Variants in ANK1 observed in about 807,000 individuals in gnomAD.
ANK1 encodes ankyrin 1, also known as ankyrin-1.
A neutral mutation model predicts 210.4 loss-of-function variants in ANK1; 51 were observed. That is an observed-to-expected ratio of 0.24 (90% CI 0.19 to 0.31). ANK1 has a LOEUF of 0.31. Ranked by LOEUF, ANK1 falls within the 10% of genes least tolerant of loss-of-function variation. The probability of loss-of-function intolerance (pLI) is 1.00; values close to 1 mark genes in which losing one functional copy is unlikely to be tolerated. For missense variants in ANK1, 2,051 were observed against 2,504.4 expected, an observed-to-expected ratio of 0.82 and a Z score of 3.86; for synonymous variants, 967 against 1,025.9, an observed-to-expected ratio of 0.94 and a Z score of 1.10.
rs144463795 is a variant in ANK1, at chr8:41,708,120, C to T, written c.1998+658G>A. ...TAGGCTGCTGAATTCTGTAAAAATA[C>T]TAAAAAACATTGAATTGTAGAGTTT... On this transcript the variant is annotated intron_variant, in intron 17 of 42. Transcript: ENST00000289734. Among the ~76,000 whole-genome samples the T allele has an allele frequency of 1.0e-3, 153 of 152,218 alleles. 1 individual carries two copies. The highest frequency in any genetic ancestry group is 3.5e-3 in the African/African-American group (147 of 41,524).
chr8:41,690,202 G>A lies in ANK1; in HGVS notation c.4104+25C>T, dbSNP rs756102221. 3.1e-6 allele frequency: 5 copies of A among 1,613,766 alleles called. No individual in the cohort carries two copies. In the African/African-American group the frequency reaches 5.3e-5, roughly 17 times the overall value. On this transcript the variant is annotated intron_variant, in intron 33 of 42. Coordinates refer to ENST00000289734, the MANE Select transcript of ANK1 (RefSeq NM_000037.4). Reference sequence around the variant, plus strand: ...CTACAGGGAAGCCGTCTCGGGCCAAGGCTCCTCGGCAGGTGCCAGCTCACC... The same window carrying A: ...CTACAGGGAAGCCGTCTCGGGCCAAAGCTCCTCGGCAGGTGCCAGCTCACC...
intron 1 of ANK1, among the ~76,000 whole-genome samples, chr8:41,877,122 A>G (rs1816748673): frequency 6.6e-6 from 1 of 152,234 alleles, no homozygotes; most frequent in South Asian, 2.1e-4. Flanking sequence ...AGTGAGACCC[A>G]GTCATTAGAA....
chr8:41,848,879 C>T (rs1163931761), intron 1 of ANK1, among the ~76,000 whole-genome samples: 1 of 152,188 alleles, frequency 6.6e-6, no homozygotes, highest in East Asian at 1.9e-4. Context: ...TTCCCCACTG[C>T]AGGGAACGTT....
intron 1 of ANK1, among the ~76,000 whole-genome samples, chr8:41,873,211 G>A (rs561786440): frequency 3.9e-5 from 6 of 152,298 alleles, no homozygotes; most frequent in African/African-American, 1.2e-4. Flanking sequence ...TTTTCTTCCC[G>A]ATTGCCTCGA....
chr8:41,706,160 C>T lies in ANK1; in HGVS notation c.2080G>A (p.Val694Met). ...TGCCTTACCCGGGTGGTGGCGTCCA[C>T]CATGACGCCGTGTTTGATCAGCACA... ...ADVLIKHGVM[V>M]DATTRMGYTP... Residue 694 changes from valine (V) to methionine (M), a missense_variant, in exon 18 of 43, where the codon GTG becomes ATG. Val to Met is a conservative substitution (Grantham distance 21). Around this residue, in one of 6 missense-constraint regions of ANK1, gnomAD observed 1,413 missense variants for 1,707.4 expected, o/e 0.83. Transcript: ENST00000289734. The T allele has an allele frequency of 1.9e-6, 3 of 1,613,990 alleles. No homozygotes were observed. Among genetic ancestry groups the T allele is most frequent in the Non-Finnish European group, 2.5e-6 (3 of 1,179,900 alleles).
At chr8:41,822,037 G>A (rs4358791) in intron 1 of ANK1, among the ~76,000 whole-genome samples, 52,622 of 148,350 alleles carry the variant, frequency 0.35, 10,012 homozygotes, top group Non-Finnish European at 0.42. Flanking sequence ...GCCACAGAGT[G>A]AGACTCCATC....
chr8:41,672,394 A>T lies in ANK1; in HGVS notation c.5056T>A (p.Ser1686Thr). The T allele has an allele frequency of 6.2e-7, 1 of 1,613,988 alleles. No homozygotes were observed. Among genetic ancestry groups the T allele is most frequent in the African/African-American group, 1.3e-5 (1 of 74,970 alleles). Reference protein sequence around the residue: ...HQRGQARITHSPTVSQVTERS... With the variant: ...HQRGQARITHTPTVSQVTERS... ...TCCGTCACCTGACTCACGGTGGGGG[A>T]ATGTGTGATTCGGGCTTGCCCCCTC... Residue 1686 changes from serine to threonine, a missense_variant, in exon 38 of 43, where the codon TCC (serine) becomes ACC (threonine). Coordinates refer to ENST00000289734, the MANE Select transcript of ANK1 (RefSeq NM_000037.4).
At chr8:41,879,076 TA>T (rs1041478575) in intron 1 of ANK1, among the ~76,000 whole-genome samples, 1 of 151,676 alleles carries the variant, frequency 6.6e-6, no homozygotes, top group African/African-American at 2.4e-5. Flanking sequence ...AAATAAAAAA[TA>T]AAAATTGAAA....
At chr8:41,896,278 G>C (rs181189743) in intron 1 of ANK1, 7 of 1,489,230 alleles carry the variant, frequency 4.7e-6, no homozygotes, top group Non-Finnish European at 6.2e-6. Context: ...ACCGCGTCCC[G>C]GGCCGCCCGA....
chr8:41,661,272 A>AGCGGGGTTCAGAGCCAACTGTTT (rs1808029598), intron 42 of ANK1, 158 bp downstream of exon 42: 1 of 1,133,106 alleles, frequency 8.8e-7, no homozygotes, highest in African/African-American at 1.5e-5. Context: ...GCCAACTGTT[A>AGCGGGGTTCAGAGCCAACTGTTT]GCAGGGTTGG....
intron 1 of ANK1, among the ~76,000 whole-genome samples, chr8:41,768,803 A>C (rs973562502): frequency 1.5e-4 from 17 of 111,054 alleles, no homozygotes; most frequent in South Asian, 5.9e-4. Context: ...GTCTCCACAA[A>C]AAAAAAAAAA....
chr8:41,664,039 A>C (rs1397370976), intron 39 of ANK1: 4 of 553,096 alleles, frequency 7.2e-6, no homozygotes, highest in Non-Finnish European at 1.4e-5. Context: ...AGTCTGACGG[A>C]GGAGGCCCTG....
chr8:41,695,446 T>TGGAGGCCC, intron 26 of ANK1, 115 bp from the exon 27 acceptor site: 1 of 1,436,298 alleles, frequency 7.0e-7, no homozygotes, highest in Non-Finnish European at 9.7e-7. Flanking sequence ...CGCAGCCACG[T>TGGAGGCCC]GGAGGCCCCA....
intron 2 of ANK1, among the ~76,000 whole-genome samples, chr8:41,752,926 G>T (rs947410436): frequency 6.6e-6 from 1 of 152,058 alleles, no homozygotes; most frequent in Admixed American, 6.6e-5. Flanking sequence ...CTCTATGCTC[G>T]GGAGAAAGAC....
At chr8:41,769,977 C>CTTTTTTTTTTTTTTTTTTTTTTT (rs59542968) in intron 1 of ANK1, among the ~76,000 whole-genome samples, 16 of 86,650 alleles carry the variant, frequency 1.8e-4, no homozygotes, top group South Asian at 4.3e-4. Context: ...TTTCTTTTTT[C>CTTTTTTTTTTTTTTTTTTTTTTT]TTTTTTTTTT....
At chr8:41,682,227 G>A (rs1816274099) in intron 37 of ANK1, among the ~76,000 whole-genome samples, 1 of 151,822 alleles carries the variant, frequency 6.6e-6, no homozygotes, top group African/African-American at 2.4e-5. Context: ...CATCAGGAAA[G>A]CCCCCTTCAC....
intron 42 of ANK1, among the ~76,000 whole-genome samples, chr8:41,656,048 G>T (rs1563310789): frequency 6.6e-6 from 1 of 152,252 alleles, no homozygotes; most frequent in African/African-American, 2.4e-5. Flanking sequence ...TATGGGCCAA[G>T]GAGAGCACTG....
At chr8:41,735,711 C>T (rs1833250978) in intron 2 of ANK1, among the ~76,000 whole-genome samples, 1 of 152,216 alleles carries the variant, frequency 6.6e-6, no homozygotes, top group African/African-American at 2.4e-5. Flanking sequence ...AGCCCATTCA[C>T]AGATTAGGCA....
intron 1 of ANK1, among the ~76,000 whole-genome samples, chr8:41,820,976 T>C (rs1033525437): frequency 5.9e-5 from 9 of 152,160 alleles, no homozygotes; most frequent in African/African-American, 1.7e-4. Context: ...GCAATAAAAG[T>C]TGTCTGGAGC....
Sources: gnomAD v4.1 joint callset for allele counts (sites outside exome capture counted in the v4.1 genomes callset) on GRCh38, gnomAD v4.1.1 for gene constraint, gnomAD v4.1.1 regional missense constraint, MANE v1.5 for transcripts, NCBI Gene and HGNC (gene_info 2026-07-23, HGNC 2026-07-21) for gene names.